MTCL1: variants seen among roughly 807,000 people sequenced by gnomAD.
The protein encoded by MTCL1 is microtubule crosslinking factor 1.
A neutral mutation model predicts 141.4 loss-of-function variants in MTCL1; 79 were observed. That is an observed-to-expected ratio of 0.56 (90% CI 0.47 to 0.67). The LOEUF is 0.67. Ranked by LOEUF, MTCL1 falls within the 30% of genes least tolerant of loss-of-function variation. The pLI is 0.00. For missense variants in MTCL1, 2,177 were observed against 2,113.9 expected (o/e 1.03, Z -0.59); for synonymous variants, 914 against 875.8 (o/e 1.04, Z -0.77).
intron 4 of MTCL1, among the ~76,000 whole-genome samples, chr18:8,725,974 G>A (rs1277527148): frequency 6.6e-6 from 1 of 151,670 alleles, no homozygotes; most frequent in Admixed American, 6.6e-5. Context: ...TGCATATTTA[G>A]TAGAGACAGG....
Position 8,820,329 on chromosome 18 carries a change from G to A in MTCL1, c.3156+1070G>A, listed in dbSNP as rs373077995. 5.3e-4 allele frequency among the ~76,000 whole-genome samples: 81 copies of A among 152,146 alleles called. 4 individuals carry two copies. The East Asian group carries it at 0.013, about 25-fold the overall frequency. On this transcript the variant is annotated intron_variant, in intron 13 of 16. Transcript: ENST00000359865. Reference sequence around the variant, plus strand: ...GGAGACTGAGGCAGGAGAATGGCGTGAACCCAGGAGGCGGAGCTTGTAGTG... The same window carrying A: ...GGAGACTGAGGCAGGAGAATGGCGTAAACCCAGGAGGCGGAGCTTGTAGTG...
At chr18:8,747,834 T>A (rs2096348250) in intron 4 of MTCL1, among the ~76,000 whole-genome samples, 1 of 152,194 alleles carries the variant, frequency 6.6e-6, no homozygotes, top group Non-Finnish European at 1.5e-5. Context: ...TTTTTGTTAA[T>A]AATTATCTGC....
Position 8,786,011 on chromosome 18 carries a change from GCCGCGCGGGAGCTGCA to G in MTCL1, c.1812_1827del (p.Arg605AlafsTer34). The G allele has an allele frequency of 6.3e-7, 1 of 1,583,890 alleles. No individual in the cohort carries two copies. Among genetic ancestry groups the G allele is most frequent in the Non-Finnish European group, 8.7e-7 (1 of 1,156,052 alleles). On this transcript the variant is annotated frameshift_variant, in exon 7 of 17. Coordinates refer to ENST00000359865, the Ensembl canonical transcript of MTCL1. LOFTEE classifies it high-confidence loss of function. ...CGAGCGGGAGAGCCTGCGCCTCCGA[GCCGCGCGGGAGCTGCA>G]CCGCCGCGCAGACGGGGACACCGGG...
chr18:8,780,576 C>G (rs2096529415), intron 5 of MTCL1, among the ~76,000 whole-genome samples: 1 of 152,230 alleles, frequency 6.6e-6, no homozygotes, highest in Non-Finnish European at 1.5e-5. Context: ...AATGGACAGA[C>G]ACTGGCTCTC....
intron 11 of MTCL1, among the ~76,000 whole-genome samples, chr18:8,807,338 C>T (rs1449163315): frequency 6.6e-6 from 1 of 152,208 alleles, no homozygotes; most frequent in Non-Finnish European, 1.5e-5. Flanking sequence ...TTAGCTGCAT[C>T]AGAGGACGGC....
At chr18:8,738,792 A>G (rs533975648) in intron 4 of MTCL1, among the ~76,000 whole-genome samples, 1 of 152,242 alleles carries the variant, frequency 6.6e-6, no homozygotes, top group African/African-American at 2.4e-5. Flanking sequence ...CATCTATGAC[A>G]TCTGAAAACT....
At chr18:8,783,447 G>T in intron 5 of MTCL1, 83 bp from the exon 5 acceptor site, 1 of 1,257,368 alleles carries the variant, frequency 8.0e-7, no homozygotes, top group Non-Finnish European at 1.1e-6. Context: ...TGCATTGGGG[G>T]CGAGGTGTGA....
chr18:8,713,881 G>A (rs899629824), upstream of MTCL1, among the ~76,000 whole-genome samples: 1 of 152,174 alleles, frequency 6.6e-6, no homozygotes, highest in African/African-American at 2.4e-5. Context: ...AGCTCAAGGT[G>A]GCAGTGAGCC....
At chr18:8,716,569 A>ATTT (rs138840096), upstream of MTCL1, among the ~76,000 whole-genome samples, 19 of 103,862 alleles carry the variant, frequency 1.8e-4, no homozygotes, top group East Asian at 8.4e-4. Context: ...CTTTTTGTTC[A>ATTT]TTTTTTTTTT....
At position 8,748,640 on chromosome 18, in the gene MTCL1, C is replaced by T. The variant is rs542062311; in HGVS notation, c.357+28144C>T. 2.3e-4 allele frequency among the ~76,000 whole-genome samples: 35 copies of T among 151,898 alleles called. 2 individuals carry two copies. In the South Asian group the frequency reaches 6.7e-3, roughly 29 times the overall value. ...CTGAATATATATATTCGTGACTCCC[C>T]GAAATAAATTCAGTTTATATATATG... On this transcript the variant is annotated intron_variant, in intron 4 of 16. Transcript: ENST00000359865.
chr18:8,726,708 G>A (rs2096217862), intron 4 of MTCL1, among the ~76,000 whole-genome samples: 2 of 152,176 alleles, frequency 1.3e-5, no homozygotes, highest in Admixed American at 1.3e-4. Context: ...AAGGGGGAGA[G>A]TGGAGGAGGC....
At chr18:8,731,025 C>G (rs900118063) in intron 4 of MTCL1, among the ~76,000 whole-genome samples, 1 of 152,100 alleles carries the variant, frequency 6.6e-6, no homozygotes, top group Non-Finnish European at 1.5e-5. Context: ...GTGGGCGGAT[C>G]ACGAGGTCAG....
chr18:8,800,526 CCT>C (rs1251793935), intron 10 of MTCL1: 4 of 152,234 alleles, frequency 2.6e-5, no homozygotes, highest in Non-Finnish European at 5.9e-5. Flanking sequence ...GCAGACATTC[CCT>C]GTTTCCCTGT....
At chr18:8,711,877 A>G (rs572731436) in intron 1 of MTCL1, among the ~76,000 whole-genome samples, 1 of 152,282 alleles carries the variant, frequency 6.6e-6, no homozygotes, top group Non-Finnish European at 1.5e-5. Context: ...GGACTTTGGT[A>G]AAGCGCTGGT....
chr18:8,788,296 C>A (rs1309443461), intron 7 of MTCL1, among the ~76,000 whole-genome samples: 4 of 152,164 alleles, frequency 2.6e-5, no homozygotes, highest in Non-Finnish European at 4.4e-5. Context: ...TGCCCTCAGG[C>A]CAACCACGAC....
chr18:8,756,685 T>C lies in MTCL1; in HGVS notation c.358-21148T>C, dbSNP rs535913329. ...TTAAAGGTGAGGAAGAAAGGAAAAATAGGAGTGTTTTTATCTCTTTATGCA... is the reference window on the plus strand; with the variant it reads ...TTAAAGGTGAGGAAGAAAGGAAAAACAGGAGTGTTTTTATCTCTTTATGCA... On this transcript the variant is annotated intron_variant, in intron 4 of 16. Coordinates refer to ENST00000359865, the Ensembl canonical transcript of MTCL1. 2.7e-4 allele frequency among the ~76,000 whole-genome samples: 41 copies of C among 151,948 alleles called. 1 individual carries two copies. In the South Asian group the frequency reaches 7.1e-3, roughly 26 times the overall value.
At chr18:8,772,563 C>G (rs1048737093) in intron 4 of MTCL1, among the ~76,000 whole-genome samples, 1 of 150,996 alleles carries the variant, frequency 6.6e-6, no homozygotes, top group Non-Finnish European at 1.5e-5. Flanking sequence ...CTCCAGGCCA[C>G]TTTCCTTATA....
At chr18:8,809,534 G>A (rs1446150783) in intron 11 of MTCL1, 1 of 1,536,232 alleles carries the variant, frequency 6.5e-7, no homozygotes, top group African/African-American at 1.4e-5. Context: ...TAAAAACGTT[G>A]AAGAGCCTTG....
chr18:8,804,655 G>A (rs1270448344), intron 10 of MTCL1, among the ~76,000 whole-genome samples: 3 of 152,110 alleles, frequency 2.0e-5, no homozygotes, highest in Non-Finnish European at 4.4e-5. Context: ...TTCCCTGTGA[G>A]AAAAAGAGCA....
Sources: allele counts gnomAD v4.1 joint callset (sites outside exome capture counted in the v4.1 genomes callset), GRCh38; gene constraint gnomAD v4.1.1; transcripts MANE v1.5; gene names NCBI Gene and HGNC (gene_info 2026-07-23, HGNC 2026-07-21).